The following CRYBG1 variants were observed in gnomAD, a reference collection of about 807,000 sequenced individuals.
The protein encoded by CRYBG1 is beta/gamma crystallin domain-containing protein 1.
Under a neutral mutation model 189.2 loss-of-function variants are expected in CRYBG1, and 139 were observed. That is an observed-to-expected ratio of 0.73 (90% CI 0.64 to 0.85). CRYBG1 has a LOEUF of 0.85. CRYBG1 is among the 40% of genes least tolerant of loss of function. The pLI is 0.00. For missense variants in CRYBG1, 2,611 were observed against 2,675.8 expected (o/e 0.98, Z 0.53); for synonymous variants, 1,023 against 1,017.1 (o/e 1.01, Z -0.11).
At chr6:106,522,164 C>T (rs770627272) in intron 4 of CRYBG1, among the ~76,000 whole-genome samples, 5 of 152,210 alleles carry the variant, frequency 3.3e-5, no homozygotes, top group Non-Finnish European at 5.9e-5. Context: ...CAGTGCTATA[C>T]TTAGAATTTT....
chr6:106,493,103 G>A (rs1355456282), intron 2 of CRYBG1, among the ~76,000 whole-genome samples: 3 of 151,986 alleles, frequency 2.0e-5, no homozygotes, highest in Admixed American at 6.5e-5. Context: ...AAGCCTGGGG[G>A]ATTTTGTAAT....
At chr6:106,486,886 G>T (rs1346177610) in intron 2 of CRYBG1, among the ~76,000 whole-genome samples, 1 of 152,040 alleles carries the variant, frequency 6.6e-6, no homozygotes, top group African/African-American at 2.4e-5. Flanking sequence ...TTTAACTGGA[G>T]AATTTAATCC....
chr6:106,451,611 A>G (rs1390577098), intron 1 of CRYBG1, 83 bp from the exon 2 acceptor site: 2 of 1,262,594 alleles, frequency 1.6e-6, no homozygotes, highest in South Asian at 1.7e-5. Context: ...ATATTAATAC[A>G]TGGAGAAATA....
intron 2 of CRYBG1, among the ~76,000 whole-genome samples, chr6:106,502,794 G>A (rs541988346): frequency 9.2e-5 from 14 of 151,410 alleles, no homozygotes; most frequent in African/African-American, 3.4e-4. Flanking sequence ...AAGTGTGGGC[G>A]AGGTTTTAAG....
chr6:106,512,259 A>G lies in CRYBG1; in HGVS notation c.1142A>G (p.Tyr381Cys), dbSNP rs764179881. Reference protein sequence around the residue: ...HPAKVLTLDIYLSKTEGAQVD... With the variant: ...HPAKVLTLDICLSKTEGAQVD... ...GCTAAGGTGCTAACTTTGGACATCT[A>G]CTTGAGTAAGACTGAGGGGGCACAA... The change falls in exon 3 of 22, where the codon TAC (tyrosine) becomes TGC (cysteine). Residue 381 changes from tyrosine to cysteine, a missense_variant. Around this residue, in one of 3 missense-constraint regions of CRYBG1, gnomAD observed 985 missense variants for 924.4 expected, o/e 1.07. Coordinates refer to ENST00000633556, the MANE Select transcript of CRYBG1 (RefSeq NM_001371242.2). 3.9e-6 allele frequency: 6 copies of G among 1,555,592 alleles called. No homozygotes were observed. Among genetic ancestry groups the G allele is most frequent in the South Asian group, 3.5e-5 (3 of 85,090 alleles).
intron 2 of CRYBG1, among the ~76,000 whole-genome samples, chr6:106,479,937 T>G (rs754249452): frequency 2.6e-5 from 4 of 152,112 alleles, no homozygotes; most frequent in Non-Finnish European, 4.4e-5. Flanking sequence ...ACTTATCTAT[T>G]TTTTTTTCAG....
In CRYBG1 at chr6:106,552,216, G is replaced by A; in HGVS notation, c.5472G>A (p.Gln1824=). 6.4e-7 allele frequency: 1 copy of A among 1,554,868 alleles called. No homozygotes were observed. The highest frequency in any genetic ancestry group is 8.8e-7 in the Non-Finnish European group (1 of 1,142,194). ...DSFTGPRRRN[Q]IHLFSEPQFQ... ...TCACTGGCCCAAGGAGACGAAATCA[G>A]GTAACTTTAAAAATATTCTTTTATA... Residue 1824 remains glutamine (Q), a splice_region_variant and synonymous_variant, in exon 15 of 22, where the codon CAG becomes CAA. Transcript: ENST00000633556.
intron 1 of CRYBG1, among the ~76,000 whole-genome samples, chr6:106,427,403 T>C (rs1039084725): frequency 6.6e-6 from 1 of 152,226 alleles, no homozygotes; most frequent in African/African-American, 2.4e-5. Context: ...AATTCAGTAT[T>C]TCAGGCCCCC....
intron 2 of CRYBG1, among the ~76,000 whole-genome samples, chr6:106,483,278 A>G (rs2114482975): frequency 6.6e-6 from 1 of 151,632 alleles, no homozygotes; most frequent in East Asian, 2.0e-4. Flanking sequence ...TATTTCACTT[A>G]ATATGATATC....
intron 1 of CRYBG1, among the ~76,000 whole-genome samples, chr6:106,372,493 C>T (rs1178440748): frequency 3.3e-5 from 5 of 152,210 alleles, no homozygotes; most frequent in African/African-American, 1.2e-4. Context: ...CTCAGGTGAT[C>T]TGCCCACCTT....
At chr6:106,464,766 G>A (rs369304951) in intron 2 of CRYBG1, among the ~76,000 whole-genome samples, 363 of 152,170 alleles carry the variant, frequency 2.4e-3, no homozygotes, top group African/African-American at 8.5e-3. Context: ...TAACTAAAAA[G>A]AATATCAAAA....
chr6:106,563,968 G>A, intron 21 of CRYBG1, 42 bp downstream of exon 21: 1 of 1,556,230 alleles, frequency 6.4e-7, no homozygotes, highest in Non-Finnish European at 8.8e-7. Context: ...TAATGTGTAT[G>A]TCTTTTAGTT....
At chr6:106,454,655 T>A (rs1418310625) in intron 2 of CRYBG1, among the ~76,000 whole-genome samples, 1 of 152,264 alleles carries the variant, frequency 6.6e-6, no homozygotes, top group Non-Finnish European at 1.5e-5. Flanking sequence ...CATTTTTAAT[T>A]TGCATTATAG....
intron 2 of CRYBG1, among the ~76,000 whole-genome samples, chr6:106,510,423 T>G (rs1773223700): frequency 6.6e-6 from 1 of 152,224 alleles, no homozygotes; most frequent in African/African-American, 2.4e-5. Context: ...CCTCCCGCCT[T>G]CTGGCGCGGG....
chr6:106,419,329 A>G (rs886410377), intron 1 of CRYBG1, among the ~76,000 whole-genome samples: 4 of 152,194 alleles, frequency 2.6e-5, no homozygotes, highest in Admixed American at 2.0e-4. Context: ...TTTAACTCCT[A>G]TGTCACCATG....
At chr6:106,458,337 T>C (rs961645942) in intron 2 of CRYBG1, among the ~76,000 whole-genome samples, 5 of 152,234 alleles carry the variant, frequency 3.3e-5, no homozygotes, top group Admixed American at 6.5e-5. Context: ...TTTTTCCATT[T>C]TTTATGCAGC....
intron 2 of CRYBG1, among the ~76,000 whole-genome samples, chr6:106,483,390 AGATATATATAT>A (rs1266019529): frequency 1.0e-5 from 1 of 96,772 alleles, no homozygotes; most frequent in African/African-American, 3.1e-5. Context: ...ATATATATAT[AGATATATATAT>A]AAAACATTTT....
intron 1 of CRYBG1, among the ~76,000 whole-genome samples, chr6:106,438,188 A>G (rs1771498964): frequency 6.6e-6 from 1 of 152,236 alleles, no homozygotes; most frequent in South Asian, 2.1e-4. Flanking sequence ...ACTACTCTGA[A>G]GGCCAGCGTC....
intron 1 of CRYBG1, among the ~76,000 whole-genome samples, chr6:106,424,799 C>T (rs1264248342): frequency 6.6e-6 from 1 of 152,158 alleles, no homozygotes; most frequent in East Asian, 1.9e-4. Context: ...GGACTAACAC[C>T]ACCAGTCCTG....
Sources: allele counts gnomAD v4.1 joint callset (sites outside exome capture counted in the v4.1 genomes callset), GRCh38; gene constraint gnomAD v4.1.1; regional missense constraint gnomAD v4.1.1; transcripts MANE v1.5; gene names NCBI Gene and HGNC (gene_info 2026-07-23, HGNC 2026-07-21).